Variants in NKD1 observed in about 807,000 individuals in gnomAD.
NKD1 encodes protein naked cuticle homolog 1.
Under a neutral mutation model 56.0 loss-of-function variants are expected in NKD1, and 21 were observed. The observed-to-expected ratio is 0.38, with a 90% CI of 0.27 to 0.54. NKD1 has a LOEUF of 0.54. NKD1 is among the 20% of genes least tolerant of loss of function. The pLI is 0.82. For missense variants in NKD1, 578 were observed against 642.7 expected, an observed-to-expected ratio of 0.90 and a Z score of 1.09; for synonymous variants, 263 against 265.7, an observed-to-expected ratio of 0.99 and a Z score of 0.10.
intron 4 of NKD1, among the ~76,000 whole-genome samples, chr16:50,612,606 G>A (rs1284943574): frequency 6.6e-6 from 1 of 152,206 alleles, no homozygotes. Context: ...GAGAGGTAGA[G>A]TGAGGAGGCT....
intron 3 of NKD1, among the ~76,000 whole-genome samples, chr16:50,579,038 A>T (rs1961049494): frequency 6.6e-6 from 1 of 152,074 alleles, no homozygotes; most frequent in African/African-American, 2.4e-5. Context: ...TGCCCACTAT[A>T]CACGCACTCT....
chr16:50,570,710 G>A (rs189501346), intron 3 of NKD1: 11 of 458,934 alleles, frequency 2.4e-5, no homozygotes, highest in Admixed American at 1.9e-4. Flanking sequence ...TATTATTCAC[G>A]TGCTATGTGA....
intron 3 of NKD1, chr16:50,575,501 C>T (rs545690309): frequency 1.3e-5 from 4 of 309,442 alleles, no homozygotes; most frequent in East Asian, 1.7e-4. Context: ...CCAGAAATAA[C>T]GTGGGCCTCC....
At chr16:50,565,160 G>A (rs1324635203) in intron 3 of NKD1, among the ~76,000 whole-genome samples, 1 of 152,142 alleles carries the variant, frequency 6.6e-6, no homozygotes, top group African/African-American at 2.4e-5. Flanking sequence ...CGGATCACAA[G>A]GTCAGGAGAT....
In NKD1 at chr16:50,598,262, T is replaced by TGTGTGTGTGTGTGTGTGTGCGC. The variant is rs138964473; in HGVS notation, c.193-10031_193-10030insTGTGTGTGTGTGTGTGTGCGCG. ...GTGTGTGTGTGTGTGTGTGTGTGTG[T>TGTGTGTGTGTGTGTGTGTGCGC]GCGCGCACACCTGTGCTCATGGACA... On this transcript the variant is annotated intron_variant, in intron 3 of 9. Coordinates refer to ENST00000268459, the MANE Select transcript of NKD1 (RefSeq NM_033119.5). The surrounding 1 kb of genome is among the most constrained non-coding windows in gnomAD (Gnocchi z 4.2). Among the ~76,000 whole-genome samples, 10 of 148,668 alleles carry TGTGTGTGTGTGTGTGTGTGCGC rather than the reference T, an allele frequency of 6.7e-5. No individual in the cohort carries two copies. The highest frequency in any genetic ancestry group is 2.6e-4 in the African/African-American group (10 of 39,162).
At position 50,616,760 on chromosome 16, in the gene NKD1, C is replaced by G. The variant is rs777769229; in HGVS notation, c.260-4842C>G. ...AGACTGAATGGCGGGAGACAGCACC[C>G]CACTAGCTCCGGATGCATTCATGCA... On this transcript the variant is annotated intron_variant, in intron 4 of 9. Transcript: ENST00000268459. Among the ~76,000 whole-genome samples, 195 of 152,330 alleles carry G rather than the reference C, an allele frequency of 1.3e-3. 2 individuals carry two copies. Among genetic ancestry groups the G allele is most frequent in the Non-Finnish European group, 2.5e-3 (170 of 68,040 alleles).
intron 3 of NKD1, among the ~76,000 whole-genome samples, chr16:50,604,632 A>G (rs1567346409): frequency 6.6e-6 from 1 of 152,200 alleles, no homozygotes. Context: ...CACTAGAGAT[A>G]AAGTTCCTTC....
In NKD1 at chr16:50,628,294, G is replaced by A. The variant is rs551597953; in HGVS notation, c.463-1892G>A. On this transcript the variant is annotated intron_variant, in intron 6 of 9. Transcript: ENST00000268459. ...AAAGGACAAGTCAACTGAGCTGAGC[G>A]GCCGTGCCTCCCAGGACAGGGTCAG... Among the ~76,000 whole-genome samples the A allele has an allele frequency of 3.4e-3, 513 of 152,302 alleles. 13 individuals are homozygous for A. The South Asian group carries it at 0.066, about 20-fold the overall frequency.
intron 3 of NKD1, among the ~76,000 whole-genome samples, chr16:50,570,673 C>T (rs1318250168): frequency 2.0e-5 from 3 of 152,244 alleles, no homozygotes; most frequent in Non-Finnish European, 4.4e-5. Flanking sequence ...TAGCTAGCCA[C>T]AGAAAGCAGG....
rs951048795 is a variant in NKD1 at position 50,634,992 on chromosome 16, C to A, written c.*1211C>A. On this transcript the variant is annotated 3_prime_UTR_variant, in exon 10 of 10. Coordinates refer to ENST00000268459, the MANE Select transcript of NKD1 (RefSeq NM_033119.5). ...TTTGTCTGGCCAGAGCCTGGAGAAA[C>A]CTGAAAAAGAACCAGTCAGCTAGCC... 1.3e-5 allele frequency: 2 copies of A among 152,132 alleles called. No homozygotes were observed. The highest frequency in any genetic ancestry group is 1.3e-4 in the Admixed American group (2 of 15,270). 9.4% of individuals were successfully genotyped at this position (152,132 alleles called of 1,614,324 possible).
intron 3 of NKD1, chr16:50,553,467 A>G (rs2151261723): frequency 6.6e-6 from 1 of 152,252 alleles, no homozygotes; most frequent in Non-Finnish European, 1.5e-5. Context: ...GTGCACTTTG[A>G]TATTTGGAGA....
chr16:50,610,735 G>C (rs765080585), intron 4 of NKD1, among the ~76,000 whole-genome samples: 9 of 152,204 alleles, frequency 5.9e-5, no homozygotes, highest in Non-Finnish European at 1.0e-4. Context: ...TAGCTCCCGC[G>C]TTGTTATGTA....
chr16:50,579,897 C>G (rs1397732372), intron 3 of NKD1, among the ~76,000 whole-genome samples: 1 of 152,172 alleles, frequency 6.6e-6, no homozygotes, highest in Admixed American at 6.5e-5. Flanking sequence ...CACACGCACT[C>G]TAACTCGCCA....
At chr16:50,574,641 C>T (rs991374521) in intron 3 of NKD1, 16 of 985,276 alleles carry the variant, frequency 1.6e-5, no homozygotes, top group East Asian at 1.1e-4. Flanking sequence ...GTGCCTGGGG[C>T]GTGCCAGGAG....
chr16:50,548,874 C>A, intron 2 of NKD1, 125 bp downstream of exon 2: 1 of 1,135,946 alleles, frequency 8.8e-7, no homozygotes. Context: ...CGGCCACCGG[C>A]CCCCCAAGCC....
At chr16:50,589,332 C>T (rs1256398987) in intron 3 of NKD1, among the ~76,000 whole-genome samples, 3 of 152,218 alleles carry the variant, frequency 2.0e-5, no homozygotes, top group Non-Finnish European at 2.9e-5. Context: ...AAGCACCAGT[C>T]GAGTTTCTTG....
intron 3 of NKD1, chr16:50,574,082 C>A: frequency 1.2e-6 from 1 of 823,502 alleles, no homozygotes; most frequent in Non-Finnish European, 1.5e-6. Flanking sequence ...GATGGTAAAA[C>A]TGAGGCTCCA....
chr16:50,571,713 C>T (rs981562936), intron 3 of NKD1, among the ~76,000 whole-genome samples: 2 of 152,182 alleles, frequency 1.3e-5, no homozygotes, highest in Admixed American at 1.3e-4. Context: ...TCCCCATCCT[C>T]TTCTAAGCCA....
At chr16:50,589,440 C>T (rs1961300128) in intron 3 of NKD1, among the ~76,000 whole-genome samples, 1 of 152,206 alleles carries the variant, frequency 6.6e-6, no homozygotes, top group Admixed American at 6.5e-5. Context: ...TTTTCTATAG[C>T]CCAGCATGCC....
Sources: gnomAD v4.1 joint callset for allele counts (sites outside exome capture counted in the v4.1 genomes callset) on GRCh38, gnomAD v4.1.1 for gene constraint, Gnocchi (gnomAD v3.1) non-coding constraint, MANE v1.5 for transcripts, NCBI Gene and HGNC (gene_info 2026-07-23, HGNC 2026-07-21) for gene names.